HTR7: variants seen among roughly 807,000 people sequenced by gnomAD.
HTR7 encodes the protein 5-HT-7.
HTR7 carries 16 observed loss-of-function variants against 34.0 expected under a neutral mutation model. The ratio of observed to expected loss-of-function variants is 0.47; its 90% CI spans 0.32 to 0.71. HTR7 has a LOEUF of 0.71. HTR7 is among the 30% of genes least tolerant of loss of function. HTR7 has a pLI of 0.04. For synonymous variants in HTR7, 265 were observed against 260.2 expected (o/e 1.02, Z -0.18); for missense variants, 504 against 625.5 (o/e 0.81, Z 2.07).
intron 1 of HTR7, among the ~76,000 whole-genome samples, chr10:90,835,159 A>G (rs1353968943): frequency 1.1e-4 from 16 of 152,216 alleles, no homozygotes; most frequent in Admixed American, 9.8e-4. Context: ...ATTTGAAATC[A>G]CTATAGCTAT....
chr10:90,778,104 T>C (rs1171497518), intron 1 of HTR7, among the ~76,000 whole-genome samples: 2 of 152,230 alleles, frequency 1.3e-5, no homozygotes, highest in Non-Finnish European at 2.9e-5. Context: ...CACCCAGCCA[T>C]TTCAGCATAG....
intron 1 of HTR7, among the ~76,000 whole-genome samples, chr10:90,848,363 C>T (rs1846444977): frequency 6.6e-6 from 1 of 152,102 alleles, no homozygotes; most frequent in African/African-American, 2.4e-5. Context: ...AGCCACTGTG[C>T]CTGGCCTCTT....
chr10:90,746,509 C>T (rs998915101), intron 2 of HTR7, among the ~76,000 whole-genome samples: 1 of 152,168 alleles, frequency 6.6e-6, no homozygotes, highest in African/African-American at 2.4e-5. Context: ...GCCCTCCTCA[C>T]TATTGCCAGA....
At chr10:90,761,708 A>G (rs920985791) in intron 1 of HTR7, among the ~76,000 whole-genome samples, 2 of 151,572 alleles carry the variant, frequency 1.3e-5, no homozygotes, top group Non-Finnish European at 2.9e-5. Flanking sequence ...ACAATACACT[A>G]TTGTTAACTA....
chr10:90,765,942 T>C (rs909938593), intron 1 of HTR7, among the ~76,000 whole-genome samples: 7 of 152,204 alleles, frequency 4.6e-5, no homozygotes, highest in Admixed American at 1.3e-4. Context: ...GCCTAACATA[T>C]GATCTATCCT....
intron 1 of HTR7, among the ~76,000 whole-genome samples, chr10:90,828,690 A>C (rs779580100): frequency 6.6e-6 from 1 of 152,176 alleles, no homozygotes; most frequent in African/African-American, 2.4e-5. Context: ...ATGAGATAGA[A>C]GCTGTAATAA....
intron 1 of HTR7, among the ~76,000 whole-genome samples, chr10:90,832,669 G>A (rs1183330374): frequency 6.6e-6 from 1 of 152,196 alleles, no homozygotes; most frequent in Non-Finnish European, 1.5e-5. Flanking sequence ...TGGCCAGAAT[G>A]GGCACCGAGG....
chr10:90,771,092 A>G (rs1845102486), intron 1 of HTR7, among the ~76,000 whole-genome samples: 1 of 152,114 alleles, frequency 6.6e-6, no homozygotes, highest in East Asian at 1.9e-4. Flanking sequence ...CGGGATGACC[A>G]GCTGCAGACA....
chr10:90,785,811 A>G (rs762335633), intron 1 of HTR7, among the ~76,000 whole-genome samples: 1 of 152,198 alleles, frequency 6.6e-6, no homozygotes, highest in Non-Finnish European at 1.5e-5. Flanking sequence ...AACGCACCAC[A>G]ACACCTGATG....
intron 1 of HTR7, among the ~76,000 whole-genome samples, chr10:90,840,613 A>G (rs1237611154): frequency 6.6e-6 from 1 of 152,206 alleles, no homozygotes; most frequent in Non-Finnish European, 1.5e-5. Context: ...TTTTTCTTAG[A>G]GACCTGACTC....
intron 1 of HTR7, among the ~76,000 whole-genome samples, chr10:90,770,488 G>A (rs1196122593): frequency 1.3e-5 from 2 of 152,160 alleles, no homozygotes; most frequent in Non-Finnish European, 2.9e-5. Flanking sequence ...TGTATCCTCA[G>A]GGGCCCAGAA....
intron 1 of HTR7, among the ~76,000 whole-genome samples, chr10:90,807,345 C>T (rs1476934263): frequency 6.6e-6 from 1 of 152,222 alleles, no homozygotes; most frequent in Non-Finnish European, 1.5e-5. Context: ...TGCACGTACA[C>T]ACCCAGATGG....
chr10:90,854,719 G>T (rs547527779), intron 1 of HTR7, among the ~76,000 whole-genome samples: 1 of 152,140 alleles, frequency 6.6e-6, no homozygotes, highest in African/African-American at 2.4e-5. Context: ...GATGGGGAGT[G>T]GTTAAGAAAA....
At chr10:90,816,445 T>G (rs1845900851) in intron 1 of HTR7, among the ~76,000 whole-genome samples, 1 of 152,190 alleles carries the variant, frequency 6.6e-6, no homozygotes, top group Non-Finnish European at 1.5e-5. Flanking sequence ...TATAACACAA[T>G]TATTATTGGA....
chr10:90,743,200 C>G (rs1467263135), intron 3 of HTR7, among the ~76,000 whole-genome samples: 3 of 152,160 alleles, frequency 2.0e-5, no homozygotes, highest in Non-Finnish European at 4.4e-5. Flanking sequence ...TAAAGCACCC[C>G]CTACCCTGCC....
intron 1 of HTR7, among the ~76,000 whole-genome samples, chr10:90,800,762 G>T (rs190620258): frequency 6.2e-4 from 95 of 152,138 alleles, no homozygotes; most frequent in South Asian, 1.2e-3. Context: ...CCTTTATAAG[G>T]AAAAATATAT....
chr10:90,841,435 T>C (rs1256322069), intron 1 of HTR7, among the ~76,000 whole-genome samples: 1 of 152,188 alleles, frequency 6.6e-6, no homozygotes, highest in East Asian at 1.9e-4. Context: ...AAAATCAAGG[T>C]GTCTACAGGC....
chr10:90,853,889 T>G (rs1011378171), intron 1 of HTR7, among the ~76,000 whole-genome samples: 1 of 152,218 alleles, frequency 6.6e-6, no homozygotes, highest in Non-Finnish European at 1.5e-5. Context: ...GTAAACCTGA[T>G]GAGCATCAAA....
chr10:90,821,852 A>G (rs928420836), intron 1 of HTR7, among the ~76,000 whole-genome samples: 1 of 149,708 alleles, frequency 6.7e-6, no homozygotes, highest in Non-Finnish European at 1.5e-5. Context: ...CTCCCCCTTC[A>G]CTCTCTCTCT....
Sources: allele counts gnomAD v4.1 joint callset (sites outside exome capture counted in the v4.1 genomes callset), GRCh38; gene constraint gnomAD v4.1.1; transcripts MANE v1.5; gene names NCBI Gene and HGNC (gene_info 2026-07-23, HGNC 2026-07-21).